Variants in PDE4A observed in about 807,000 individuals in gnomAD.
PDE4A encodes 3',5'-cyclic-AMP phosphodiesterase 4A.
In PDE4A, 21 loss-of-function variants were observed where a neutral mutation model predicts 73.9. The observed-to-expected ratio is 0.28, with a 90% confidence interval of 0.20 to 0.41. The LOEUF (loss-of-function observed/expected upper bound fraction) is 0.41, where lower values mean the gene tolerates loss of function less well. Among genes scored for constraint, PDE4A ranks in the 10% least tolerant of loss-of-function variants. The pLI is 1.00. For missense variants in PDE4A, 958 were observed against 1,211.4 expected, an observed-to-expected ratio of 0.79 and a Z score of 3.10; for synonymous variants, 463 against 505.4, an observed-to-expected ratio of 0.92 and a Z score of 1.13.
Position 10,420,774 on chromosome 19 carries a change from C to T in PDE4A, c.10C>T (p.Pro4Ser), listed in dbSNP as rs773511169. 3 of 1,571,064 alleles carry T rather than the reference C, an allele frequency of 1.9e-6. No homozygotes were observed. Among genetic ancestry groups the T allele is most frequent in the African/African-American group, 1.4e-5 (1 of 71,726 alleles). The stretch of plus-strand genomic sequence containing the variant: ...AGTGGGGGCCGGCGCCATGGAACCC[C>T]CGACCGTCCCCTCGGAAAGGAGCCT... MEP[P>S]TVPSERSLSL... Residue 4 changes from proline to serine, a missense_variant, in exon 1 of 15, where the codon CCG becomes TCG. By Grantham distance (74) the Pro-to-Ser change is moderately conservative. Around this residue, in one of 3 missense-constraint regions of PDE4A, gnomAD observed 145 missense variants for 137.8 expected, o/e 1.05. Coordinates refer to ENST00000380702, the MANE Select transcript of PDE4A (RefSeq NM_001111307.2). This position sits in a 1 kb window ranked among gnomAD's most constrained non-coding sequence, Gnocchi z 6.0.
chr19:10,438,603 T>G (rs1421933510), intron 1 of PDE4A, among the ~76,000 whole-genome samples: 1 of 152,112 alleles, frequency 6.6e-6, no homozygotes, highest in Non-Finnish European at 1.5e-5. Flanking sequence ...CATAATGTTT[T>G]TTTGTTTGTT....
At chr19:10,440,516 C>T (rs373327852) in intron 1 of PDE4A, among the ~76,000 whole-genome samples, 5 of 152,120 alleles carry the variant, frequency 3.3e-5, no homozygotes, top group African/African-American at 9.7e-5. Context: ...CTCTGCCTCC[C>T]GGGTTTAAGT....
At chr19:10,441,631 T>C (rs919021260) in intron 1 of PDE4A, among the ~76,000 whole-genome samples, 4 of 151,910 alleles carry the variant, frequency 2.6e-5, no homozygotes, top group Non-Finnish European at 1.5e-5. Context: ...ATGAAGCTGC[T>C]AAGAGTTTTA....
At chr19:10,441,684 A>ATTTTT (rs1308151510) in intron 1 of PDE4A, among the ~76,000 whole-genome samples, 85 of 92,684 alleles carry the variant, frequency 9.2e-4, no homozygotes, top group African/African-American at 1.3e-3. Flanking sequence ...ATTTTGAGTT[A>ATTTTT]TTTTTTTTTT....
intron 1 of PDE4A, among the ~76,000 whole-genome samples, chr19:10,426,988 A>C (rs2042725702): frequency 6.6e-6 from 1 of 151,898 alleles, no homozygotes; most frequent in Non-Finnish European, 1.5e-5. Flanking sequence ...GTGACATTTG[A>C]ACAAAGACCC....
rs201822628 is a variant in PDE4A, at chr19:10,459,614, A to G, written c.1220A>G (p.Lys407Arg). 4.3e-6 allele frequency: 7 copies of G among 1,614,174 alleles called. No homozygotes were observed. Among genetic ancestry groups the G allele is most frequent in the Non-Finnish European group, 5.9e-6 (7 of 1,180,008 alleles). ...TCTCAGGAGCGGGACCTGCTGAAGA[A>G]ATTCCGCATCCCTGTGGACACGATG... ...MIFQERDLLK[K>R]FRIPVDTMVT... Residue 407 changes from lysine to arginine, a missense_variant, in exon 10 of 15, where the codon AAA (lysine) becomes AGA (arginine). Coordinates refer to ENST00000380702, the MANE Select transcript of PDE4A (RefSeq NM_001111307.2).
chr19:10,421,256 C>T (rs2042647949), intron 1 of PDE4A, 172 bp downstream of exon 1: 8 of 985,236 alleles, frequency 8.1e-6, no homozygotes, highest in Non-Finnish European at 9.6e-6. Flanking sequence ...GTTGTGCGCT[C>T]TACGGGAGGC....
At position 10,458,035 on chromosome 19, in the gene PDE4A, A is replaced by G; in HGVS notation, c.1034A>G (p.Asn345Ser). 1.2e-6 allele frequency: 2 copies of G among 1,613,886 alleles called. No individual in the cohort carries two copies. Among genetic ancestry groups the G allele is most frequent in the Non-Finnish European group, 1.7e-6 (2 of 1,180,030 alleles). The change falls in exon 8 of 15, where the codon AAC (asparagine) becomes AGC (serine). Residue 345 changes from asparagine to serine, a missense_variant. Coordinates refer to ENST00000380702, the MANE Select transcript of PDE4A (RefSeq NM_001111307.2). This position sits in a 1 kb window ranked among gnomAD's most constrained non-coding sequence, Gnocchi z 4.6. ...GGGTTGAAAAAGTTGATGCATAGTA[A>G]CAGCCTGAACAACTCTAACATTCCC... ...ITGLKKLMHS[N>S]SLNNSNIPRF...
chr19:10,447,023 C>A (rs1283222381), intron 2 of PDE4A, among the ~76,000 whole-genome samples: 1 of 148,634 alleles, frequency 6.7e-6, no homozygotes, highest in Non-Finnish European at 1.5e-5. Flanking sequence ...CTCAGCTTCC[C>A]GAGTAGTTGG....
At chr19:10,422,880 G>C (rs1159613062) in intron 1 of PDE4A, among the ~76,000 whole-genome samples, 1 of 152,216 alleles carries the variant, frequency 6.6e-6, no homozygotes, top group Non-Finnish European at 1.5e-5. Context: ...GACACCAAGG[G>C]GTGGGTGAAG....
intron 4 of PDE4A, among the ~76,000 whole-genome samples, chr19:10,450,328 A>G (rs2043070375): frequency 3.9e-5 from 6 of 152,078 alleles, no homozygotes; most frequent in Admixed American, 3.9e-4. Flanking sequence ...TAGGCAAGAG[A>G]GCAGAGATCT....
intron 1 of PDE4A, among the ~76,000 whole-genome samples, chr19:10,443,150 G>T (rs1016926618): frequency 4.6e-5 from 7 of 152,042 alleles, no homozygotes; most frequent in African/African-American, 1.7e-4. Flanking sequence ...TCCAGCCTGG[G>T]CAACAGAGTG....
rs2358681 is a variant in PDE4A at position 10,458,967 on chromosome 19, T to C, written c.1102-433T>C. ...CTATGTGCTGGCCCTTTTCTGAATT[T>C]TGGAGAGACATGGAAAATAAGCCCT... On this transcript the variant is annotated intron_variant, in intron 8 of 14. Transcript: ENST00000380702. This position sits in a 1 kb window ranked among gnomAD's most constrained non-coding sequence, Gnocchi z 4.6. The C allele has an allele frequency of 0.49, 85,065 of 174,966 alleles. 22,681 individuals are homozygous for C. The highest frequency in any genetic ancestry group is 0.72 in the African/African-American group (30,342 of 42,394). The allele number at this position is 174,966 out of a possible 1,614,324, so 10.8% of individuals were successfully genotyped here.
In PDE4A at chr19:10,454,775, C is replaced by T. The variant is rs2043145935; in HGVS notation, c.784-54C>T. 3 of 1,611,690 alleles carry T rather than the reference C, an allele frequency of 1.9e-6. No individual in the cohort carries two copies. In the Admixed American group the frequency reaches 5.0e-5, roughly 27 times the overall value. The stretch of plus-strand genomic sequence containing the variant: ...CGTTCTTGGGAAGGACTGACACCCT[C>T]CTCACCACTGTGCTTCCCCCATCAT... On this transcript the variant is annotated intron_variant, in intron 6 of 14. Transcript: ENST00000380702.
rs1249889589 is a variant in PDE4A at position 10,449,343 on chromosome 19, GTTTGTTT to G, written c.620+208_620+214del. 1.2e-4 allele frequency among the ~76,000 whole-genome samples: 17 copies of G among 142,938 alleles called. No individual in the cohort carries two copies. The East Asian group carries it at 1.7e-3, about 15-fold the overall frequency. The allele number at this position is 142,938 out of a possible 152,430, so 93.8% of individuals were successfully genotyped here. On this transcript the variant is annotated intron_variant, in intron 4 of 14. Transcript: ENST00000380702. ...ACACAGAGGTGTTTTTTGTTTGTTT[GTTTGTTT>G]TTTGTTTTTTGTTTGTTTGTTTGTT...
intron 1 of PDE4A, among the ~76,000 whole-genome samples, chr19:10,441,515 T>TGA (rs1429213718): frequency 1.3e-5 from 2 of 152,010 alleles, no homozygotes; most frequent in Non-Finnish European, 2.9e-5. Context: ...CCTCAGCCTC[T>TGA]GTTGATACAC....
chr19:10,420,602 G>A lies in PDE4A; in HGVS notation c.-163G>A. The stretch of plus-strand genomic sequence containing the variant: ...AGGAAGCTGCAGAGCCCGGCCCGGG[G>A]GCGATTGGCCCGCAGCGCCCCCGGG... On this transcript the variant is annotated 5_prime_UTR_variant, in exon 1 of 15. Transcript: ENST00000380702. The surrounding 1 kb of genome is among the most constrained non-coding windows in gnomAD (Gnocchi z 6.0). 1 of 1,291,626 alleles carries A rather than the reference G, an allele frequency of 7.7e-7. No homozygotes were observed. The highest frequency in any genetic ancestry group is 9.8e-7 in the Non-Finnish European group (1 of 1,024,392). The allele number at this position is 1,291,626 out of a possible 1,614,324, so 80.0% of individuals were successfully genotyped here.
intron 1 of PDE4A, among the ~76,000 whole-genome samples, chr19:10,441,315 G>A (rs1244250160): frequency 6.6e-6 from 1 of 152,010 alleles, no homozygotes; most frequent in Admixed American, 6.6e-5. Context: ...TTTTAGTAGA[G>A]ACGGTTTCGC....
intron 13 of PDE4A, 32 bp downstream of exon 13, chr19:10,462,031 G>A (rs763005678): frequency 8.8e-6 from 14 of 1,584,386 alleles, no homozygotes; most frequent in Non-Finnish European, 9.5e-6. Context: ...TAAGGAGGGA[G>A]GACACTCCCC....
Sources: allele counts gnomAD v4.1 joint callset (sites outside exome capture counted in the v4.1 genomes callset), GRCh38; gene constraint gnomAD v4.1.1; regional missense constraint gnomAD v4.1.1; non-coding constraint Gnocchi (gnomAD v3.1); transcripts MANE v1.5; gene names NCBI Gene and HGNC (gene_info 2026-07-23, HGNC 2026-07-21).